Variants in CLCN4 observed in about 807,000 individuals in gnomAD.
The protein encoded by CLCN4 is H(+)/Cl(-) exchange transporter 4.
In CLCN4, 1 loss-of-function variant was observed where a neutral mutation model predicts 41.7. The observed-to-expected ratio is 0.02, with a 90% CI of 0.01 to 0.11. CLCN4 has a LOEUF of 0.11. Ranked by LOEUF, CLCN4 falls within the 10% of genes least tolerant of loss-of-function variation. The probability of loss-of-function intolerance (pLI) is 1.00; values close to 1 mark genes in which losing one functional copy is unlikely to be tolerated. For missense variants in CLCN4, 287 were observed against 661.0 expected (o/e 0.43, Z 6.20); for synonymous variants, 277 against 285.8 (o/e 0.97, Z 0.31).
chrX:10,220,323 G>A (rs954233663), intron 11 of CLCN4, among the ~76,000 whole-genome samples: 7 of 112,128 alleles, frequency 6.2e-5, no homozygotes, highest in South Asian at 3.7e-4. Flanking sequence ...GTGAAGGAGC[G>A]TAAGGAAAGC....
Position 10,199,513 on chromosome X carries a change from A to G in CLCN4, c.555+1452A>G, listed in dbSNP as rs771572787. Among the ~76,000 whole-genome samples, 218 of 89,124 alleles carry G rather than the reference A, an allele frequency of 2.4e-3. 1 individual carries two copies. Among genetic ancestry groups the G allele is most frequent in the African/African-American group, 9.5e-3 (211 of 22,238 alleles). 77.4% of individuals were successfully genotyped at this position (89,124 alleles called of 115,157 possible). On this transcript the variant is annotated intron_variant, in intron 6 of 12. Transcript: ENST00000380833. ...TTATCTGAAGTTGTAGGGGAAGTTG[A>G]GACAGCAGGCGTAGATGGGTGTGGC...
In CLCN4 at chrX:10,185,116, G is replaced by A. The variant is rs1923776862; in HGVS notation, c.84G>A (p.Glu28=). The A allele has an allele frequency of 3.3e-6, 4 of 1,208,072 alleles. No homozygotes were observed. Among genetic ancestry groups the A allele is most frequent in the Non-Finnish European group, 3.4e-6 (3 of 893,918 alleles). ...CGTTCCCTGATGTGGGGACGTATGAGGACTTCCACACCATCGACTGGCTAA... is the reference window on the plus strand; with the variant it reads ...CGTTCCCTGATGTGGGGACGTATGAAGACTTCCACACCATCGACTGGCTAA... ...DEPFPDVGTY[E]DFHTIDWLRE... Residue 28 remains glutamate, a synonymous_variant, in exon 3 of 13, where the codon GAG becomes GAA. Coordinates refer to ENST00000380833, the MANE Select transcript of CLCN4 (RefSeq NM_001830.4).
chrX:10,199,649 C>T (rs913967964), intron 6 of CLCN4, among the ~76,000 whole-genome samples: 6 of 112,444 alleles, frequency 5.3e-5, no homozygotes, highest in African/African-American at 1.6e-4. Context: ...GGAGGAAATG[C>T]GCATAAATAG....
intron 11 of CLCN4, among the ~76,000 whole-genome samples, chrX:10,217,100 G>A (rs917585977): frequency 9.5e-6 from 1 of 105,072 alleles, no homozygotes; most frequent in African/African-American, 3.5e-5. Flanking sequence ...TCTTATGGAC[G>A]CATTTAAAAA....
chrX:10,186,660 AAGATGTTGC>A (rs764430833), intron 3 of CLCN4, among the ~76,000 whole-genome samples: 1 of 111,260 alleles, frequency 9.0e-6, no homozygotes, highest in Non-Finnish European at 1.9e-5. Context: ...CTCAGTCATG[AAGATGTTGC>A]AGCCTCTTGG....
In CLCN4 at chrX:10,193,166, T is replaced by C. The variant is rs189920923; in HGVS notation, c.245-1745T>C. ...TCCACAAGTGTGTGTCATGATTGAT[T>C]AGTGATGTCTGTCATGGGCATGTCA... On this transcript the variant is annotated intron_variant, in intron 4 of 12. Coordinates refer to ENST00000380833, the MANE Select transcript of CLCN4 (RefSeq NM_001830.4). Among the ~76,000 whole-genome samples, 743 of 111,725 alleles carry C rather than the reference T, an allele frequency of 6.7e-3. 2 individuals carry two copies. Among genetic ancestry groups the C allele is most frequent in the Non-Finnish European group, 0.011 (586 of 53,112 alleles).
rs34083038 is a variant in CLCN4, at chrX:10,159,132, A to AT, written c.-12+591dup. 1.4e-3 allele frequency among the ~76,000 whole-genome samples: 147 copies of AT among 108,583 alleles called. 3 individuals carry two copies. The South Asian group carries it at 0.049, about 37-fold the overall frequency. 94.3% of individuals were successfully genotyped at this position (108,583 alleles called of 115,157 possible). ...TTTACAGGGCATACGTCAGAAACGTATTTTTTTTTTCCTTCCAGGTGTTTT... is the reference window on the plus strand; with the variant it reads ...TTTACAGGGCATACGTCAGAAACGTATTTTTTTTTTTCCTTCCAGGTGTTTT... On this transcript the variant is annotated intron_variant, in intron 2 of 12. Coordinates refer to ENST00000380833, the MANE Select transcript of CLCN4 (RefSeq NM_001830.4).
chrX:10,166,934 G>A lies in CLCN4; in HGVS notation c.-12+8383G>A, dbSNP rs1034399910. The stretch of plus-strand genomic sequence containing the variant: ...CGTGGGCTGGGTTTCAACGTGGAAC[G>A]AATGGCTGCATGGCCCTGGGTCCAT... On this transcript the variant is annotated intron_variant, in intron 2 of 12. Transcript: ENST00000380833. Among the ~76,000 whole-genome samples, 12 of 111,649 alleles carry A rather than the reference G, an allele frequency of 1.1e-4. No individual in the cohort carries two copies. The South Asian group carries it at 2.3e-3, about 21-fold the overall frequency.
rs1334662658 is a variant in CLCN4, at chrX:10,159,888, T to A, written c.-12+1337T>A. Among the ~76,000 whole-genome samples, 5 of 111,287 alleles carry A rather than the reference T, an allele frequency of 4.5e-5. No individual in the cohort carries two copies. The Admixed American group carries it at 4.8e-4, about 11-fold the overall frequency. ...TAGATTCCACTTTTGGCTTTGTGAC[T>A]GTGCAGCCTTGGATATGTCATTTAG... On this transcript the variant is annotated intron_variant, in intron 2 of 12. Coordinates refer to ENST00000380833, the MANE Select transcript of CLCN4 (RefSeq NM_001830.4).
At chrX:10,193,147 A>AGT (rs1924010709) in intron 4 of CLCN4, among the ~76,000 whole-genome samples, 1 of 111,906 alleles carries the variant, frequency 8.9e-6, no homozygotes. Context: ...TAGGTCCACA[A>AGT]GTGTGTGTCA....
rs1269863835 is a variant in CLCN4, at chrX:10,237,196, T to C, written c.*3612T>C. ...TTTGTTTCACTTAGGTGAGAACTGATTACTTTAAATTACCAACATGTGCAA... is the reference window on the plus strand; with the variant it reads ...TTTGTTTCACTTAGGTGAGAACTGACTACTTTAAATTACCAACATGTGCAA... On this transcript the variant is annotated 3_prime_UTR_variant, in exon 13 of 13. Coordinates refer to ENST00000380833, the MANE Select transcript of CLCN4 (RefSeq NM_001830.4). 8.9e-6 allele frequency: 1 copy of C among 112,534 alleles called. No homozygotes were observed. 9.3% of individuals were successfully genotyped at this position (112,534 alleles called of 1,213,427 possible). A position where few individuals can be genotyped will look rare whatever the true frequency, so the allele number is the denominator to read the frequency against.
At chrX:10,157,332 TG>T (rs1378097024) in intron 1 of CLCN4, among the ~76,000 whole-genome samples, 2 of 112,052 alleles carry the variant, frequency 1.8e-5, no homozygotes, top group Non-Finnish European at 3.8e-5. Flanking sequence ...CGAAAGCTGA[TG>T]GAATAAACTG....
chrX:10,184,950 A>G, intron 2 of CLCN4, 72 bp from the exon 3 acceptor site: 1 of 864,040 alleles, frequency 1.2e-6, no homozygotes, highest in Non-Finnish European at 1.6e-6. Context: ...AAAATAGGGC[A>G]CATGGACTAT....
At chrX:10,215,033 A>C (rs1177469459) in intron 11 of CLCN4, among the ~76,000 whole-genome samples, 1 of 112,119 alleles carries the variant, frequency 8.9e-6, no homozygotes, top group Non-Finnish European at 1.9e-5. Flanking sequence ...CACGCTCACC[A>C]TCCTTGCTCT....
intron 12 of CLCN4, among the ~76,000 whole-genome samples, chrX:10,232,063 A>G (rs1925140491): frequency 8.9e-6 from 1 of 112,061 alleles, no homozygotes; most frequent in African/African-American, 3.2e-5. Flanking sequence ...CTGTTTGCTT[A>G]GCATGCTCTT....
chrX:10,200,309 C>T (rs1430076918), intron 6 of CLCN4, among the ~76,000 whole-genome samples: 1 of 112,941 alleles, frequency 8.9e-6, no homozygotes, highest in East Asian at 2.8e-4. Flanking sequence ...AGGAGTGAGC[C>T]ACAGTGCTTG....
chrX:10,159,672 G>A (rs1923043912), intron 2 of CLCN4, among the ~76,000 whole-genome samples: 1 of 111,756 alleles, frequency 8.9e-6, no homozygotes, highest in South Asian at 3.7e-4. Flanking sequence ...ATTGAAGGAG[G>A]CATTTCTTTC....
chrX:10,157,726 A>G (rs1244862096), intron 1 of CLCN4, among the ~76,000 whole-genome samples: 1 of 112,886 alleles, frequency 8.9e-6, no homozygotes, highest in African/African-American at 3.2e-5. Context: ...TGTGATAAAG[A>G]TTAGAAAATG....
chrX:10,187,342 C>T (rs1057045779), intron 3 of CLCN4, among the ~76,000 whole-genome samples, 173 bp from the exon 4 acceptor site: 25 of 112,035 alleles, frequency 2.2e-4, no homozygotes, highest in African/African-American at 7.8e-4. Flanking sequence ...CTAGAAAGCT[C>T]GTCGTACCGT....
Sources: allele counts gnomAD v4.1 joint callset (sites outside exome capture counted in the v4.1 genomes callset), GRCh38; gene constraint gnomAD v4.1.1; transcripts MANE v1.5; gene names NCBI Gene and HGNC (gene_info 2026-07-23, HGNC 2026-07-21).